Variants in ABCA12 observed in about 807,000 individuals in gnomAD.
ABCA12 encodes the protein glucosylceramide transporter ABCA12.
Under a neutral mutation model 293.5 loss-of-function variants are expected in ABCA12, and 156 were observed. That is an observed-to-expected ratio of 0.53 (90% CI 0.47 to 0.61). The LOEUF is 0.61. Ranked by LOEUF, ABCA12 falls within the 20% of genes least tolerant of loss-of-function variation. The probability of loss-of-function intolerance (pLI) is 0.00; values close to 1 mark genes in which losing one functional copy is unlikely to be tolerated. For missense variants in ABCA12, 2,797 were observed against 3,090.2 expected (o/e 0.91, Z 2.25); for synonymous variants, 1,063 against 1,108.0 (o/e 0.96, Z 0.81).
intron 22 of ABCA12, among the ~76,000 whole-genome samples, 165 bp downstream of exon 22, chr2:215,000,540 A>T (rs1337514283): frequency 6.6e-6 from 1 of 152,238 alleles, no homozygotes; most frequent in Non-Finnish European, 1.5e-5. Flanking sequence ...ATGAGCAGTT[A>T]TGATGAAGCT....
intron 2 of ABCA12, among the ~76,000 whole-genome samples, chr2:215,094,016 T>A (rs1303042280): frequency 6.6e-6 from 1 of 152,188 alleles, no homozygotes; most frequent in Admixed American, 6.5e-5. Flanking sequence ...ATCTTCCATA[T>A]CTATCGTTGA....
chr2:215,084,349 C>G (rs1400374579), intron 2 of ABCA12, among the ~76,000 whole-genome samples: 1 of 151,984 alleles, frequency 6.6e-6, no homozygotes, highest in African/African-American at 2.4e-5. Flanking sequence ...GAACCACCCC[C>G]CCACCAAAAA....
At chr2:215,089,855 G>A (rs539094742) in intron 2 of ABCA12, among the ~76,000 whole-genome samples, 28 of 152,264 alleles carry the variant, frequency 1.8e-4, no homozygotes, top group African/African-American at 6.7e-4. Context: ...CAACAAACAA[G>A]TGGTGTTCTT....
At position 214,997,723 on chromosome 2, in the gene ABCA12, A is replaced by C; in HGVS notation, c.3266T>G (p.Val1089Gly). 1 of 1,613,106 alleles carries C rather than the reference A, an allele frequency of 6.2e-7. No individual in the cohort carries two copies. ...VFIAAFVKKL[V>G]YEKDLRLHEY... is the part of the protein sequence containing the mutation. ...ATGAAGCCGGAGGTCTTTCTCATAG[A>C]CAAGCTTTTTTACAAAGGCAGCTAT... Residue 1089 changes from valine to glycine, a missense_variant, in exon 23 of 53, where the codon GTC (valine) becomes GGC (glycine). By Grantham distance (109) the Val-to-Gly change is moderately radical (BLOSUM62 -3). This residue lies in a region of ABCA12 where 2,130 missense variants were observed against 2,427.0 expected (regional missense o/e 0.88). Coordinates refer to ENST00000272895, the MANE Select transcript of ABCA12 (RefSeq NM_173076.3).
chr2:215,084,229 G>A (rs759292240), intron 2 of ABCA12, among the ~76,000 whole-genome samples: 3 of 152,014 alleles, frequency 2.0e-5, no homozygotes, highest in East Asian at 1.9e-4. Context: ...CTCACGTAGC[G>A]CTCCACCTTG....
chr2:215,025,628 G>GTTTTTTTTTTTTTTTTT, intron 11 of ABCA12, 45 bp downstream of exon 11: 2 of 1,203,816 alleles, frequency 1.7e-6, no homozygotes, highest in East Asian at 2.5e-5. Flanking sequence ...TTGTCTTTTT[G>GTTTTTTTTTTTTTTTTT]TTTTTTTTTT....
rs557779178 is a variant in ABCA12, at chr2:214,940,616, CTGTT to C, written c.7436+2305_7436+2308del. On this transcript the variant is annotated intron_variant, in intron 50 of 52. Transcript: ENST00000272895. ...TCCTGGGCTTTTTTTGGTTGGTAGG[CTGTT>C]TGTTAATTAGTGCCTCAATATCAGA... Among the ~76,000 whole-genome samples, 151 of 152,078 alleles carry C rather than the reference CTGTT, an allele frequency of 9.9e-4. 1 individual carries two copies. Among genetic ancestry groups the C allele is most frequent in the African/African-American group, 3.3e-3 (137 of 41,500 alleles).
intron 2 of ABCA12, among the ~76,000 whole-genome samples, chr2:215,091,178 C>G (rs926171809): frequency 6.6e-6 from 1 of 151,950 alleles, no homozygotes; most frequent in African/African-American, 2.4e-5. Flanking sequence ...CAAGCAGAGT[C>G]CTCTGAATCC....
At position 215,043,576 on chromosome 2, in the gene ABCA12, T is replaced by A. The variant is rs190850848; in HGVS notation, c.872+2261A>T. The stretch of plus-strand genomic sequence containing the variant: ...TAAATATTATTTTGTGGAATTTTTG[T>A]TGTTGTTGTTGTTGTTGTTGATTTT... On this transcript the variant is annotated intron_variant, in intron 7 of 52. Coordinates refer to ENST00000272895, the MANE Select transcript of ABCA12 (RefSeq NM_173076.3). Among the ~76,000 whole-genome samples the A allele has an allele frequency of 2.7e-3, 317 of 117,708 alleles. 1 individual carries two copies. Among genetic ancestry groups the A allele is most frequent in the African/African-American group, 0.026 (305 of 11,902 alleles). The allele number at this position is 117,708 out of a possible 152,430, so 77.2% of individuals were successfully genotyped here. A position where few individuals can be genotyped will look rare whatever the true frequency, so the allele number is the denominator to read the frequency against.
intron 2 of ABCA12, among the ~76,000 whole-genome samples, chr2:215,080,190 T>C (rs994088175): frequency 6.6e-6 from 1 of 152,172 alleles, no homozygotes; most frequent in African/African-American, 2.4e-5. Context: ...TTTAAAAATA[T>C]ACAGTGATGA....
At chr2:215,131,702 G>GTTTTTTTTTTTTTTTTTTTTCTTTTTTT (rs35844951) in intron 1 of ABCA12, among the ~76,000 whole-genome samples, 1 of 80,180 alleles carries the variant, frequency 1.2e-5, no homozygotes, top group Non-Finnish European at 2.7e-5. Flanking sequence ...CCTTTCTATT[G>GTTTTTTTTTTTTTTTTTTTTCTTTTTTT]TTTTTTTTTT....
At position 214,983,785 on chromosome 2, in the gene ABCA12, G is replaced by A. The variant is rs376792861; in HGVS notation, c.4244C>T (p.Thr1415Met). The change falls in exon 29 of 53, where the codon ACG becomes ATG. Residue 1415 changes from threonine (T) to methionine (M), a missense_variant. Transcript: ENST00000272895. Reference sequence around the variant, plus strand: ...ACAGACTCCCATGTTCTTCCGTACCGTGTGTAGGTCTGTTTTGATATCTTT... The same window carrying A: ...ACAGACTCCCATGTTCTTCCGTACCATGTGTAGGTCTGTTTTGATATCTTT... ...YGKDIKTDLH[T>M]VRKNMGVCMQ... is the part of the protein sequence containing the mutation. 3.9e-5 allele frequency: 63 copies of A among 1,614,008 alleles called. No individual in the cohort carries two copies. Among genetic ancestry groups the A allele is most frequent in the Non-Finnish European group, 4.9e-5 (58 of 1,180,016 alleles).
chr2:214,968,677 C>T, intron 38 of ABCA12, 43 bp downstream of exon 38: 9 of 1,565,262 alleles, frequency 5.7e-6, no homozygotes, highest in Non-Finnish European at 7.9e-6. Context: ...TCAATTTCAC[C>T]TTCTCATTTG....
Position 215,114,867 on chromosome 2 carries a change from C to T in ABCA12, c.70-3177G>A, listed in dbSNP as rs556977957. 7.5e-4 allele frequency among the ~76,000 whole-genome samples: 114 copies of T among 152,198 alleles called. 1 individual carries two copies. Among genetic ancestry groups the T allele is most frequent in the Non-Finnish European group, 8.4e-4 (57 of 68,016 alleles). On this transcript the variant is annotated intron_variant, in intron 1 of 52. Transcript: ENST00000272895. ...AGTATTCATCTGAGTAGACTTAATG[C>T]CCCATAGCTACTTTTAGGAACTTCT...
chr2:215,126,091 T>A (rs1489209812), intron 1 of ABCA12, among the ~76,000 whole-genome samples: 1 of 152,176 alleles, frequency 6.6e-6, no homozygotes, highest in Non-Finnish European at 1.5e-5. Context: ...ATGTGGTGTA[T>A]CACATTTATT....
intron 5 of ABCA12, chr2:215,050,644 G>T: frequency 3.7e-6 from 1 of 267,090 alleles, no homozygotes; most frequent in Non-Finnish European, 5.8e-6. Flanking sequence ...CCTTAAGTGT[G>T]TATTACAAAA....
Position 215,019,645 on chromosome 2 carries a change from C to T in ABCA12, c.1439G>A (p.Gly480Asp), listed in dbSNP as rs1559150148. 6.2e-7 allele frequency: 1 copy of T among 1,614,112 alleles called. No individual in the cohort carries two copies. Among genetic ancestry groups the T allele is most frequent in the Middle Eastern group, 1.7e-4 (1 of 6,060 alleles). ...CAGTAAGCTGGCTGCTATTTCGGTG[C>T]CCAGCTCTGCCGCTTCGAGGAGTTG... ...DLQLLEAAEL[G>D]TEIAASLLYH... is the part of the protein sequence containing the mutation. Residue 480 changes from glycine to aspartate, a missense_variant, in exon 12 of 53, where the codon GGC (glycine) becomes GAC (aspartate). Around this residue, in one of 3 missense-constraint regions of ABCA12, gnomAD observed 656 missense variants for 638.2 expected, o/e 1.03. Coordinates refer to ENST00000272895, the MANE Select transcript of ABCA12 (RefSeq NM_173076.3).
intron 1 of ABCA12, among the ~76,000 whole-genome samples, chr2:215,134,616 TAGAGAG>T (rs1212910485): frequency 0.034 from 2,765 of 80,568 alleles, 200 homozygotes; most frequent in African/African-American, 0.058. Context: ...TATATATATA[TAGAGAG>T]AGAGAGAGAG....
At chr2:215,015,407 A>C in intron 15 of ABCA12, 83 bp downstream of exon 15, 1 of 1,304,212 alleles carries the variant, frequency 7.7e-7, no homozygotes, top group South Asian at 1.3e-5. Flanking sequence ...CTCATCCCTC[A>C]TAGTATCAGA....
Sources: allele counts gnomAD v4.1 joint callset (sites outside exome capture counted in the v4.1 genomes callset), GRCh38; gene constraint gnomAD v4.1.1; regional missense constraint gnomAD v4.1.1; transcripts MANE v1.5; gene names NCBI Gene and HGNC (gene_info 2026-07-23, HGNC 2026-07-21).